OTUD7A: variants seen among roughly 807,000 people sequenced by gnomAD.
OTUD7A encodes the protein OTU domain-containing protein 7A.
In OTUD7A, 12 loss-of-function variants were observed where a neutral mutation model predicts 65.7. The observed-to-expected ratio is 0.18, with a 90% CI of 0.12 to 0.30. The LOEUF (loss-of-function observed/expected upper bound fraction) is 0.30. OTUD7A is among the 10% of genes least tolerant of loss of function. The probability of loss-of-function intolerance (pLI) is 1.00; values close to 1 mark genes in which losing one functional copy is unlikely to be tolerated. For synonymous variants in OTUD7A, 641 were observed against 586.3 expected (o/e 1.09, Z -1.35); for missense variants, 1,148 against 1,304.8 (o/e 0.88, Z 1.85).
chr15:31,768,078 T>G (rs919313465), intron 1 of OTUD7A: 3 of 1,597,808 alleles, frequency 1.9e-6, no homozygotes, highest in Non-Finnish European at 2.6e-6. Flanking sequence ...GTGAAACAAT[T>G]GCCATATTTT....
At chr15:31,521,300 G>A (rs776929561) in intron 8 of OTUD7A, among the ~76,000 whole-genome samples, 2 of 152,178 alleles carry the variant, frequency 1.3e-5, no homozygotes, top group Non-Finnish European at 2.9e-5. Context: ...AAAACTCTCA[G>A]TAGAGTGATA....
At chr15:31,805,822 A>G (rs1248173401) in intron 1 of OTUD7A, among the ~76,000 whole-genome samples, 1 of 152,198 alleles carries the variant, frequency 6.6e-6, no homozygotes, top group South Asian at 2.1e-4. Context: ...TAAGAACTAC[A>G]AATATCTACA....
chr15:31,555,461 T>C (rs1888459307), intron 5 of OTUD7A, among the ~76,000 whole-genome samples: 1 of 152,212 alleles, frequency 6.6e-6, no homozygotes, highest in Admixed American at 6.5e-5. Context: ...TTACCCTTTG[T>C]ACCCAGCAAT....
In OTUD7A at chr15:31,559,103, T is replaced by C. The variant is rs753263228; in HGVS notation, c.416A>G (p.Asn139Ser). 1.1e-5 allele frequency: 18 copies of C among 1,612,920 alleles called. No homozygotes were observed. The highest frequency in any genetic ancestry group is 1.4e-5 in the Non-Finnish European group (17 of 1,179,616). Residue 139 changes from asparagine (N) to serine (S), a missense_variant, in exon 5 of 13, where the codon AAC becomes AGC. By Grantham distance (46) the Asn-to-Ser change is conservative (BLOSUM62 1). Around this residue, in one of 6 missense-constraint regions of OTUD7A, gnomAD observed 134 missense variants for 252.6 expected, o/e 0.53. Coordinates refer to ENST00000307050, the MANE Select transcript of OTUD7A (RefSeq NM_001382637.1). Reference sequence around the variant, plus strand: ...TGGCATCTCCAGGGGGAACTGCTCGTTGTTGCATTCACTTGCCACGTGGGA... The same window carrying C: ...TGGCATCTCCAGGGGGAACTGCTCGCTGTTGCATTCACTTGCCACGTGGGA... Reference protein sequence around the residue: ...ARSHVASECNNEQFPLEMPIY... With the variant: ...ARSHVASECNSEQFPLEMPIY...
intron 3 of OTUD7A, among the ~76,000 whole-genome samples, chr15:31,627,934 G>T (rs191507969): frequency 0.057 from 8,659 of 152,018 alleles, 476 homozygotes; most frequent in East Asian, 0.3. Flanking sequence ...TTGTTGATGG[G>T]GTTGTTTGTT....
At chr15:31,699,142 C>T (rs1247539524) in intron 1 of OTUD7A, among the ~76,000 whole-genome samples, 1 of 147,438 alleles carries the variant, frequency 6.8e-6, no homozygotes, top group Non-Finnish European at 1.5e-5. Context: ...TGCAGTGGTG[C>T]GATCTCAGCT....
chr15:31,822,291 C>A (rs999111392), intron 1 of OTUD7A, among the ~76,000 whole-genome samples: 3 of 152,188 alleles, frequency 2.0e-5, no homozygotes, highest in African/African-American at 7.2e-5. Flanking sequence ...CAGGCATGGG[C>A]TTCCCAAAGC....
intron 1 of OTUD7A, among the ~76,000 whole-genome samples, chr15:31,837,891 A>G (rs1897094507): frequency 6.6e-6 from 1 of 152,266 alleles, no homozygotes; most frequent in South Asian, 2.1e-4. Flanking sequence ...TTAAGTAACT[A>G]TAGTAATCAA....
intron 1 of OTUD7A, among the ~76,000 whole-genome samples, chr15:31,740,903 C>A (rs1285397209): frequency 6.6e-6 from 1 of 152,138 alleles, no homozygotes; most frequent in African/African-American, 2.4e-5. Context: ...TAATAACAGA[C>A]AGAATAGACT....
At chr15:31,676,697 G>A (rs915916595) in intron 1 of OTUD7A, among the ~76,000 whole-genome samples, 5 of 152,176 alleles carry the variant, frequency 3.3e-5, no homozygotes, top group Non-Finnish European at 7.4e-5. Flanking sequence ...CATCTCCAAC[G>A]AAGCTGAAAG....
intron 8 of OTUD7A, among the ~76,000 whole-genome samples, chr15:31,506,200 G>A (rs971196079): frequency 1.1e-4 from 17 of 151,128 alleles, no homozygotes; most frequent in Non-Finnish European, 2.4e-4. Context: ...GTACAATATT[G>A]AGTTTTAATT....
At chr15:31,755,700 A>T (rs1487286816) in intron 1 of OTUD7A, among the ~76,000 whole-genome samples, 3 of 151,336 alleles carry the variant, frequency 2.0e-5, no homozygotes, top group Non-Finnish European at 4.4e-5. Context: ...TCAGCCTGGG[A>T]GACAGAGCGA....
At chr15:31,675,859 T>C (rs1892584731) in intron 1 of OTUD7A, among the ~76,000 whole-genome samples, 1 of 152,198 alleles carries the variant, frequency 6.6e-6, no homozygotes, top group Non-Finnish European at 1.5e-5. Context: ...TTTTTTTCCT[T>C]TGCAGAAAAC....
At chr15:31,500,128 C>G (rs578167063) in intron 10 of OTUD7A, among the ~76,000 whole-genome samples, 75 of 152,316 alleles carry the variant, frequency 4.9e-4, no homozygotes, top group African/African-American at 1.5e-3. Flanking sequence ...GAGGGCCCCG[C>G]CCCTGGCCGA....
chr15:31,675,339 A>G (rs1177769600), intron 1 of OTUD7A, among the ~76,000 whole-genome samples: 4 of 152,144 alleles, frequency 2.6e-5, no homozygotes, highest in African/African-American at 4.8e-5. Flanking sequence ...CGTACATGTG[A>G]GAGAAGTGAA....
intron 1 of OTUD7A, among the ~76,000 whole-genome samples, chr15:31,849,857 T>C (rs996745541): frequency 5.9e-5 from 9 of 152,146 alleles, no homozygotes; most frequent in African/African-American, 2.2e-4. Flanking sequence ...TGAGATACCA[T>C]CTCACACCAG....
chr15:31,570,028 G>A lies in OTUD7A; in HGVS notation c.321C>T (p.Asp107=). Residue 107 remains aspartate (D), a synonymous_variant, in exon 4 of 13, where the codon GAC becomes GAT. Coordinates refer to ENST00000307050, the MANE Select transcript of OTUD7A (RefSeq NM_001382637.1). ...VERPCLQRQD[D]IAQEKRLSRG... is the part of the protein sequence containing the mutation. Reference sequence around the variant, plus strand: ...GTCCCTCAGCGGTACCTTGGGCAATGTCGTCCTGCCTCTGCAGGCAGGGTC... The same window carrying A: ...GTCCCTCAGCGGTACCTTGGGCAATATCGTCCTGCCTCTGCAGGCAGGGTC... The A allele has an allele frequency of 6.2e-7, 1 of 1,614,056 alleles. No individual in the cohort carries two copies. Among genetic ancestry groups the A allele is most frequent in the Non-Finnish European group, 8.5e-7 (1 of 1,180,036 alleles).
chr15:31,565,988 C>G (rs956484890), intron 4 of OTUD7A, among the ~76,000 whole-genome samples: 1 of 152,008 alleles, frequency 6.6e-6, no homozygotes. Context: ...GTCAGGAGAT[C>G]GAGACCATCC....
intron 1 of OTUD7A, among the ~76,000 whole-genome samples, chr15:31,853,933 G>A (rs1897495223): frequency 6.6e-6 from 1 of 152,184 alleles, no homozygotes; most frequent in Non-Finnish European, 1.5e-5. Context: ...AGCAAATGCA[G>A]ATGCCTGAGA....
Sources: gnomAD v4.1 joint callset for allele counts (sites outside exome capture counted in the v4.1 genomes callset) on GRCh38, gnomAD v4.1.1 for gene constraint, gnomAD v4.1.1 regional missense constraint, MANE v1.5 for transcripts, NCBI Gene and HGNC (gene_info 2026-07-23, HGNC 2026-07-21) for gene names.